SLC39A11: variants seen among roughly 807,000 people sequenced by gnomAD.
The protein encoded by SLC39A11 is solute carrier family 39 member 11.
In SLC39A11, 33 loss-of-function variants were observed where a neutral mutation model predicts 36.1. That is an observed-to-expected ratio of 0.91 (90% CI 0.69 to 1.22). SLC39A11 has a LOEUF of 1.22. SLC39A11 is among the 50% of genes most tolerant of loss of function. The probability of loss-of-function intolerance (pLI) is 0.00; values close to 1 mark genes in which losing one functional copy is unlikely to be tolerated. For synonymous variants in SLC39A11, 166 were observed against 170.3 expected, an observed-to-expected ratio of 0.97 and a Z score of 0.20; for missense variants, 432 against 430.3, an observed-to-expected ratio of 1.00 and a Z score of -0.03.
intron 6 of SLC39A11, among the ~76,000 whole-genome samples, chr17:72,768,096 C>T (rs541965695): frequency 3.3e-5 from 5 of 152,236 alleles, no homozygotes; most frequent in Admixed American, 1.3e-4. Context: ...CAGGAGCTAT[C>T]AGGTCCAGGT....
At chr17:72,789,040 C>G (rs569730124) in intron 6 of SLC39A11, among the ~76,000 whole-genome samples, 172 of 144,092 alleles carry the variant, frequency 1.2e-3, no homozygotes, top group African/African-American at 4.0e-3. Context: ...AGGACAAAGG[C>G]TTTTTTTTTT....
At chr17:72,682,292 A>C (rs2071541870) in intron 7 of SLC39A11, among the ~76,000 whole-genome samples, 2 of 137,584 alleles carry the variant, frequency 1.5e-5, no homozygotes, top group South Asian at 2.8e-4. Context: ...TCCCGAAACC[A>C]TCCCTCCCCC....
At chr17:72,680,041 CAAAAAAAAAAAAAA>C (rs199650969) in intron 7 of SLC39A11, among the ~76,000 whole-genome samples, 4 of 71,664 alleles carry the variant, frequency 5.6e-5, no homozygotes, top group Admixed American at 1.5e-4. Context: ...GACTCTGTCT[CAAAAAAAAAAAAAA>C]AAAAAAAAAA....
intron 4 of SLC39A11, among the ~76,000 whole-genome samples, chr17:72,991,810 G>T (rs910119154): frequency 6.6e-6 from 1 of 152,090 alleles, no homozygotes; most frequent in Non-Finnish European, 1.5e-5. Flanking sequence ...CTCATGCAGG[G>T]TTCCCTGTGT....
intron 5 of SLC39A11, among the ~76,000 whole-genome samples, chr17:72,921,637 C>A (rs569713496): frequency 2.0e-4 from 31 of 152,272 alleles, no homozygotes; most frequent in African/African-American, 7.5e-4. Flanking sequence ...GAATAAAGAT[C>A]CATAACTTTC....
At chr17:73,043,386 T>C (rs1234451969) in intron 3 of SLC39A11, among the ~76,000 whole-genome samples, 2 of 152,186 alleles carry the variant, frequency 1.3e-5, no homozygotes, top group African/African-American at 4.8e-5. Context: ...TTTCCAACTC[T>C]GGTTGTACTA....
At chr17:72,942,308 C>A (rs181246835) in intron 5 of SLC39A11, among the ~76,000 whole-genome samples, 1 of 152,194 alleles carries the variant, frequency 6.6e-6, no homozygotes, top group East Asian at 1.9e-4. Flanking sequence ...ATTTTAAAGT[C>A]TCCCCTAACC....
At chr17:73,032,366 C>A (rs887932394) in intron 3 of SLC39A11, among the ~76,000 whole-genome samples, 2 of 152,042 alleles carry the variant, frequency 1.3e-5, no homozygotes, top group Admixed American at 6.5e-5. Flanking sequence ...GCCACCACAG[C>A]CAGCTAATTT....
intron 4 of SLC39A11, among the ~76,000 whole-genome samples, chr17:73,030,883 T>C (rs998278542): frequency 7.9e-5 from 12 of 152,220 alleles, no homozygotes; most frequent in African/African-American, 2.9e-4. Flanking sequence ...GGTGCTTCCC[T>C]GTAAGCACAT....
intron 7 of SLC39A11, among the ~76,000 whole-genome samples, chr17:72,717,937 TC>T (rs1290678281): frequency 6.6e-6 from 1 of 152,070 alleles, no homozygotes; most frequent in East Asian, 1.9e-4. Context: ...TTCCCTTCTT[TC>T]CCCCTTCCTG....
chr17:72,793,707 G>A (rs746634718), intron 6 of SLC39A11, among the ~76,000 whole-genome samples: 3 of 152,188 alleles, frequency 2.0e-5, no homozygotes, highest in Non-Finnish European at 4.4e-5. Flanking sequence ...TGGGATTACA[G>A]GCGTGAGCTG....
At chr17:72,820,970 T>C (rs2077754600) in intron 6 of SLC39A11, among the ~76,000 whole-genome samples, 1 of 150,926 alleles carries the variant, frequency 6.6e-6, no homozygotes, top group Admixed American at 6.6e-5. Flanking sequence ...TTTTTTGTTT[T>C]TGTTTTTGTT....
At chr17:73,041,680 T>A (rs891625640) in intron 3 of SLC39A11, among the ~76,000 whole-genome samples, 1 of 152,228 alleles carries the variant, frequency 6.6e-6, no homozygotes, top group Non-Finnish European at 1.5e-5. Flanking sequence ...AAGAATCCTA[T>A]GTACAAAAAC....
At chr17:72,719,677 A>G (rs531354017) in intron 7 of SLC39A11, among the ~76,000 whole-genome samples, 1 of 152,296 alleles carries the variant, frequency 6.6e-6, no homozygotes, top group South Asian at 2.1e-4. Flanking sequence ...CAAGGAAACC[A>G]CACTGCCATT....
intron 5 of SLC39A11, among the ~76,000 whole-genome samples, chr17:72,891,196 T>A (rs2081724138): frequency 6.6e-6 from 1 of 151,806 alleles, no homozygotes; most frequent in Non-Finnish European, 1.5e-5. Flanking sequence ...CCAAGGTGAG[T>A]GGATCACCCG....
intron 7 of SLC39A11, among the ~76,000 whole-genome samples, chr17:72,729,283 A>C (rs76077124): frequency 0.11 from 15,824 of 146,058 alleles, 993 homozygotes; most frequent in African/African-American, 0.13. Context: ...ATTGCCCAGG[A>C]TGGAGTGCAG....
chr17:72,751,316 A>C (rs2075146487), intron 6 of SLC39A11, among the ~76,000 whole-genome samples: 2 of 152,194 alleles, frequency 1.3e-5, no homozygotes, highest in Non-Finnish European at 1.5e-5. Flanking sequence ...TGCTATATGA[A>C]GGTAAGGAAA....
At chr17:72,812,129 T>C (rs2077452034) in intron 6 of SLC39A11, among the ~76,000 whole-genome samples, 1 of 152,178 alleles carries the variant, frequency 6.6e-6, no homozygotes, top group South Asian at 2.1e-4. Flanking sequence ...TATTATATTT[T>C]CTCTGGCCAG....
At chr17:72,650,763 G>T (rs912142374) in intron 7 of SLC39A11, among the ~76,000 whole-genome samples, 1 of 152,142 alleles carries the variant, frequency 6.6e-6, no homozygotes, top group Non-Finnish European at 1.5e-5. Flanking sequence ...CATCCATCTT[G>T]CTGCCAATAG....
Sources: gnomAD v4.1 joint callset for allele counts (sites outside exome capture counted in the v4.1 genomes callset) on GRCh38, gnomAD v4.1.1 for gene constraint, MANE v1.5 for transcripts, NCBI Gene and HGNC (gene_info 2026-07-23, HGNC 2026-07-21) for gene names.